The following BBS9 variants were observed in gnomAD, a reference collection of about 807,000 sequenced individuals.
BBS9 encodes Bardet-Biedl syndrome 9.
In BBS9, 89 loss-of-function variants were observed where a neutral mutation model predicts 117.7. The ratio of observed to expected loss-of-function variants is 0.76; its 90% CI spans 0.64 to 0.90. The LOEUF (loss-of-function observed/expected upper bound fraction) is 0.90, where lower values mean the gene tolerates loss of function less well. BBS9 is among the 40% of genes least tolerant of loss of function. The pLI, the probability that BBS9 is intolerant of heterozygous loss-of-function variation, is 0.00. For synonymous variants in BBS9, 379 were observed against 370.9 expected, an observed-to-expected ratio of 1.02 and a Z score of -0.25; for missense variants, 982 against 1,042.2, an observed-to-expected ratio of 0.94 and a Z score of 0.80.
chr7:33,526,211 C>G (rs893432076), intron 20 of BBS9, among the ~76,000 whole-genome samples: 3 of 152,050 alleles, frequency 2.0e-5, no homozygotes, highest in Non-Finnish European at 4.4e-5. Flanking sequence ...TTTGGTGAAT[C>G]TGACAATTAT....
chr7:33,460,319 C>A (rs1839277212), intron 19 of BBS9, among the ~76,000 whole-genome samples: 1 of 152,024 alleles, frequency 6.6e-6, no homozygotes, highest in African/African-American at 2.4e-5. Context: ...TTGGCTTTAT[C>A]TTTAACTGCT....
chr7:33,484,753 G>A (rs1842877219), intron 19 of BBS9, among the ~76,000 whole-genome samples: 2 of 152,190 alleles, frequency 1.3e-5, no homozygotes, highest in African/African-American at 2.4e-5. Flanking sequence ...CAAAGATCTA[G>A]AGGCAGAAAT....
intron 9 of BBS9, among the ~76,000 whole-genome samples, chr7:33,323,817 C>CTTCA: frequency 7.1e-6 from 1 of 140,806 alleles, no homozygotes. Context: ...TCCTTCTTTT[C>CTTCA]TTCATTCCTG....
intron 20 of BBS9, among the ~76,000 whole-genome samples, chr7:33,515,399 A>G (rs746790845): frequency 3.9e-5 from 6 of 152,268 alleles, no homozygotes; most frequent in Non-Finnish European, 8.8e-5. Context: ...CCTCCCGTGT[A>G]CTATAACGAG....
intron 9 of BBS9, among the ~76,000 whole-genome samples, chr7:33,294,290 CATCTATCT>C (rs57892221): frequency 0.2 from 27,673 of 140,930 alleles, 2,787 homozygotes; most frequent in South Asian, 0.29. Context: ...ATCTATCTAT[CATCTATCT>C]ATCTATCTAT....
intron 21 of BBS9, among the ~76,000 whole-genome samples, chr7:33,565,843 CTTATATATATA>C (rs1360646610): frequency 1.2e-4 from 4 of 34,048 alleles, no homozygotes; most frequent in African/African-American, 3.7e-4. Context: ...ATATATACTG[CTTATATATATA>C]TATATATATA....
At chr7:33,543,256 CT>C (rs201895097) in intron 21 of BBS9, among the ~76,000 whole-genome samples, 2 of 148,796 alleles carry the variant, frequency 1.3e-5, no homozygotes, top group Non-Finnish European at 3.0e-5. Context: ...ATTTGTATAT[CT>C]TTTTTTTGAG....
At chr7:33,490,434 C>T (rs898322715) in intron 19 of BBS9, among the ~76,000 whole-genome samples, 10 of 151,986 alleles carry the variant, frequency 6.6e-5, no homozygotes, top group Non-Finnish European at 1.3e-4. Flanking sequence ...GCTGTCATGT[C>T]CCTTTTTGTT....
In BBS9 at chr7:33,436,773, C is replaced by T. The variant is rs538856851; in HGVS notation, c.2115+48629C>T. Reference sequence around the variant, plus strand: ...CTGTGAGCTGATTAACGGAAGGGGACGTGTCTTCTTCACTGATATCCCTAA... The same window carrying T: ...CTGTGAGCTGATTAACGGAAGGGGATGTGTCTTCTTCACTGATATCCCTAA... On this transcript the variant is annotated intron_variant, in intron 19 of 22. Transcript: ENST00000242067. 2.6e-5 allele frequency among the ~76,000 whole-genome samples: 4 copies of T among 152,278 alleles called. No homozygotes were observed. In the South Asian group the frequency reaches 6.2e-4, roughly 24 times the overall value.
chr7:33,131,675 A>G (rs950939086), intron 1 of BBS9, among the ~76,000 whole-genome samples: 11 of 152,172 alleles, frequency 7.2e-5, no homozygotes, highest in African/African-American at 1.4e-4. Context: ...CTTTGGGGTT[A>G]TTGTTTTCAC....
At chr7:33,456,639 A>G (rs1291975272) in intron 19 of BBS9, among the ~76,000 whole-genome samples, 2 of 151,516 alleles carry the variant, frequency 1.3e-5, no homozygotes, top group African/African-American at 4.8e-5. Flanking sequence ...TTTTTTCTAT[A>G]TCCTAGATAT....
intron 9 of BBS9, among the ~76,000 whole-genome samples, chr7:33,301,007 C>A (rs1806292643): frequency 6.6e-6 from 1 of 152,058 alleles, no homozygotes; most frequent in South Asian, 2.1e-4. Context: ...GTCCATCTGG[C>A]TTCTGTAGGT....
At chr7:33,268,217 G>A (rs1191667231) in intron 7 of BBS9, among the ~76,000 whole-genome samples, 3 of 152,164 alleles carry the variant, frequency 2.0e-5, no homozygotes, top group Admixed American at 2.0e-4. Context: ...CTGGCCTTGT[G>A]TGGTTTCCTT....
At chr7:33,506,559 A>T (rs1039238248) in intron 20 of BBS9, among the ~76,000 whole-genome samples, 1 of 152,106 alleles carries the variant, frequency 6.6e-6, no homozygotes, top group Non-Finnish European at 1.5e-5. Context: ...TCCCTGTTTT[A>T]CCTATGGGAA....
chr7:33,441,214 A>G (rs1438664437), intron 19 of BBS9, among the ~76,000 whole-genome samples: 1 of 152,076 alleles, frequency 6.6e-6, no homozygotes, highest in African/African-American at 2.4e-5. Flanking sequence ...AGTGGAGTCA[A>G]TCCAGGAATG....
At chr7:33,289,651 C>T (rs184223326) in intron 9 of BBS9, among the ~76,000 whole-genome samples, 1 of 152,062 alleles carries the variant, frequency 6.6e-6, no homozygotes, top group East Asian at 1.9e-4. Context: ...ATCTTGTTAC[C>T]TCCAAATTTT....
intron 16 of BBS9, among the ~76,000 whole-genome samples, chr7:33,363,522 A>G (rs1156953086): frequency 1.3e-5 from 2 of 152,214 alleles, no homozygotes; most frequent in East Asian, 3.8e-4. Flanking sequence ...ATCATGTTAC[A>G]TGCAAATCAA....
chr7:33,633,655 A>C (rs1030555263), intron 21 of BBS9, among the ~76,000 whole-genome samples: 1 of 152,104 alleles, frequency 6.6e-6, no homozygotes, highest in Non-Finnish European at 1.5e-5. Flanking sequence ...GATCTCTGGA[A>C]TAGCTTCCTT....
In BBS9 at chr7:33,204,109, A is replaced by G. The variant is rs1786442997; in HGVS notation, c.442+26518A>G. ...GAAATACAACATATCTTGGATGATT[A>G]AAAGATATTTTAGGCCGGGCATGGT... On this transcript the variant is annotated intron_variant, in intron 5 of 22. Coordinates refer to ENST00000242067, the MANE Select transcript of BBS9 (RefSeq NM_198428.3). Among the ~76,000 whole-genome samples the G allele has an allele frequency of 1.3e-5, 2 of 150,806 alleles. 1 individual carries two copies. Among genetic ancestry groups the G allele is most frequent in the Admixed American group, 1.3e-4 (2 of 15,194 alleles).
Sources: gnomAD v4.1 joint callset for allele counts (sites outside exome capture counted in the v4.1 genomes callset) on GRCh38, gnomAD v4.1.1 for gene constraint, MANE v1.5 for transcripts, NCBI Gene and HGNC (gene_info 2026-07-23, HGNC 2026-07-21) for gene names.